SOX5: variants seen among roughly 807,000 people sequenced by gnomAD.
SOX5 encodes transcription factor SOX-5.
In SOX5, 9 loss-of-function variants were observed where a neutral mutation model predicts 92.0. That is an observed-to-expected ratio of 0.10 (90% confidence interval 0.06 to 0.17). The LOEUF is 0.17. Ranked by LOEUF, SOX5 falls within the 10% of genes least tolerant of loss-of-function variation. The pLI, the probability that SOX5 is intolerant of heterozygous loss-of-function variation, is 1.00. For synonymous variants in SOX5, 344 were observed against 336.3 expected (o/e 1.02, Z -0.25); for missense variants, 642 against 944.5 (o/e 0.68, Z 4.20).
chr12:23,875,583 G>A (rs894412785), intron 2 of SOX5, among the ~76,000 whole-genome samples: 7 of 151,906 alleles, frequency 4.6e-5, no homozygotes, highest in African/African-American at 1.5e-4. Flanking sequence ...AAAAGGAGGA[G>A]GAAGAGAGGA....
intron 11 of SOX5, among the ~76,000 whole-genome samples, chr12:23,549,249 T>C (rs1349431971): frequency 6.6e-6 from 1 of 151,938 alleles, no homozygotes; most frequent in African/African-American, 2.4e-5. Flanking sequence ...TGGGAAGATG[T>C]TGAAAATGGG....
intron 7 of SOX5, among the ~76,000 whole-genome samples, chr12:23,664,062 A>G (rs1380186086): frequency 6.6e-6 from 1 of 152,176 alleles, no homozygotes; most frequent in African/African-American, 2.4e-5. Flanking sequence ...AATGCAGACC[A>G]CTTTTATCTT....
In SOX5 at chr12:23,993,188, A is replaced by G. The variant is rs114351273; in HGVS notation, c.-1-97164T>C. 8.3e-3 allele frequency among the ~76,000 whole-genome samples: 1,267 copies of G among 152,318 alleles called. 25 individuals carry two copies. Among genetic ancestry groups the G allele is most frequent in the African/African-American group, 0.029 (1,205 of 41,584 alleles). ...GTTGACACTGTTCAGAATAATAAACATATGAGATAGATAATCAATGAAACA... is the reference window on the plus strand; with the variant it reads ...GTTGACACTGTTCAGAATAATAAACGTATGAGATAGATAATCAATGAAACA... On this transcript the variant is annotated intron_variant, in intron 4 of 4. Coordinates refer to the SOX5 transcript ENST00000446891.
At chr12:24,443,194 T>C (rs1477580925) in intron 1 of SOX5, among the ~76,000 whole-genome samples, 1 of 152,142 alleles carries the variant, frequency 6.6e-6, no homozygotes, top group African/African-American at 2.4e-5. Context: ...TCAGGCAATC[T>C]GCCCCACCTC....
chr12:24,509,781 A>G (rs907656876), intron 1 of SOX5, among the ~76,000 whole-genome samples: 3 of 152,206 alleles, frequency 2.0e-5, no homozygotes, highest in African/African-American at 7.2e-5. Flanking sequence ...AGTAACTAGA[A>G]AATTAGTTTA....
At chr12:23,867,922 C>T (rs1382857118) in intron 2 of SOX5, among the ~76,000 whole-genome samples, 1 of 151,550 alleles carries the variant, frequency 6.6e-6, no homozygotes, top group African/African-American at 2.4e-5. Flanking sequence ...AAGTAAATAC[C>T]ACCTAGGCAG....
intron 1 of SOX5, among the ~76,000 whole-genome samples, chr12:24,436,407 G>A (rs962827863): frequency 6.6e-5 from 10 of 152,030 alleles, no homozygotes; most frequent in South Asian, 2.1e-4. Flanking sequence ...TGAGTGGTCC[G>A]GATAAAAAAA....
intron 11 of SOX5, among the ~76,000 whole-genome samples, chr12:23,554,192 T>C (rs1592010206): frequency 6.6e-6 from 1 of 152,162 alleles, no homozygotes; most frequent in Non-Finnish European, 1.5e-5. Flanking sequence ...GTAACTAGGA[T>C]TGAGTATATT....
chr12:23,872,164 ATTTTTTTTTTTTTTT>A (rs71059938), intron 2 of SOX5, among the ~76,000 whole-genome samples: 4 of 61,650 alleles, frequency 6.5e-5, no homozygotes, highest in East Asian at 9.2e-4. Flanking sequence ...CGCCCGGCTA[ATTTTTTTTTTTTTTT>A]TTTTTTTTTT....
In SOX5 at chr12:24,155,171, G is replaced by T. The variant is rs114324417; in HGVS notation, c.-2+58172C>A. On this transcript the variant is annotated intron_variant, in intron 4 of 4. Coordinates refer to the SOX5 transcript ENST00000446891. The stretch of plus-strand genomic sequence containing the variant: ...AAGAGTGAATATAATGAACACTATT[G>T]ATACATATTATTTTCAGGGGTTTCA... Among the ~76,000 whole-genome samples, 826 of 152,046 alleles carry T rather than the reference G, an allele frequency of 5.4e-3. 5 individuals carry two copies. Among genetic ancestry groups the T allele is most frequent in the African/African-American group, 0.019 (792 of 41,486 alleles).
intron 1 of SOX5, among the ~76,000 whole-genome samples, chr12:24,514,601 T>C (rs774536776): frequency 5.3e-5 from 8 of 152,202 alleles, no homozygotes; most frequent in Non-Finnish European, 1.2e-4. Context: ...GACACGTGCA[T>C]GTATAAGTTC....
At chr12:24,478,989 T>C (rs569684733) in intron 1 of SOX5, among the ~76,000 whole-genome samples, 24 of 152,328 alleles carry the variant, frequency 1.6e-4, no homozygotes, top group African/African-American at 5.5e-4. Context: ...TCCAATCTAC[T>C]CTTCGAGCTC....
chr12:23,867,039 G>A (rs1003643555), intron 2 of SOX5, among the ~76,000 whole-genome samples: 7 of 143,936 alleles, frequency 4.9e-5, no homozygotes, highest in African/African-American at 1.5e-4. Context: ...TCAACTCCAC[G>A]CCTCTCCTCA....
At chr12:24,290,515 G>A (rs1483636465) in intron 2 of SOX5, among the ~76,000 whole-genome samples, 1 of 152,128 alleles carries the variant, frequency 6.6e-6, no homozygotes, top group Non-Finnish European at 1.5e-5. Flanking sequence ...TAAGACCTAG[G>A]TAAATTAAGT....
intron 1 of SOX5, among the ~76,000 whole-genome samples, chr12:24,527,469 C>G (rs941030215): frequency 6.6e-6 from 1 of 152,198 alleles, no homozygotes; most frequent in Non-Finnish European, 1.5e-5. Flanking sequence ...CAATGACACT[C>G]AAATAGTGAA....
At chr12:24,003,854 G>C (rs1435693009) in intron 4 of SOX5, among the ~76,000 whole-genome samples, 3 of 151,728 alleles carry the variant, frequency 2.0e-5, no homozygotes, top group African/African-American at 7.3e-5. Flanking sequence ...CTTTGAAAAG[G>C]AAGAATGAAA....
intron 3 of SOX5, among the ~76,000 whole-genome samples, chr12:24,221,521 T>C (rs894972118): frequency 1.3e-5 from 2 of 152,234 alleles, no homozygotes; most frequent in African/African-American, 2.4e-5. Flanking sequence ...CTCTTTCAGC[T>C]TTTAAATCTC....
At chr12:24,388,451 G>A (rs554399845) in intron 1 of SOX5, among the ~76,000 whole-genome samples, 2 of 152,212 alleles carry the variant, frequency 1.3e-5, no homozygotes, top group African/African-American at 2.4e-5. Context: ...GTGACTGTCA[G>A]AGCACGGTGA....
chr12:24,072,389 C>A (rs1001137352), intron 4 of SOX5, among the ~76,000 whole-genome samples: 3 of 152,122 alleles, frequency 2.0e-5, no homozygotes, highest in Admixed American at 2.0e-4. Context: ...ATATAATCAA[C>A]TACCACAATT....
Sources: gnomAD v4.1 joint callset for allele counts (sites outside exome capture counted in the v4.1 genomes callset) on GRCh38, gnomAD v4.1.1 for gene constraint, MANE v1.5 for transcripts, NCBI Gene and HGNC (gene_info 2026-07-23, HGNC 2026-07-21) for gene names.